IGF2BP2: variants seen among roughly 807,000 people sequenced by gnomAD.
The protein encoded by IGF2BP2 is insulin like growth factor 2 mRNA binding protein 2, also known as insulin-like growth factor 2 mRNA-binding protein 2.
In IGF2BP2, 17 loss-of-function variants were observed where a neutral mutation model predicts 75.8. The observed-to-expected ratio is 0.22, with a 90% CI of 0.15 to 0.34. The LOEUF (loss-of-function observed/expected upper bound fraction) is 0.34. IGF2BP2 is among the 10% of genes least tolerant of loss of function. IGF2BP2 has a pLI of 1.00. For missense variants in IGF2BP2, 516 were observed against 772.4 expected, an observed-to-expected ratio of 0.67 and a Z score of 3.93; for synonymous variants, 288 against 295.6, an observed-to-expected ratio of 0.97 and a Z score of 0.26.
At chr3:185,688,995 C>T in intron 6 of IGF2BP2, 1 of 189,124 alleles carries the variant, frequency 5.3e-6, no homozygotes, top group East Asian at 1.5e-4. Flanking sequence ...ACCCCCAGGG[C>T]TCTGACTCAG....
intron 2 of IGF2BP2, among the ~76,000 whole-genome samples, chr3:185,715,793 G>A (rs183353363): frequency 1.6e-3 from 239 of 152,086 alleles, no homozygotes; most frequent in African/African-American, 5.5e-3. Flanking sequence ...ACCAGCACCC[G>A]TCACCACACC....
chr3:185,746,003 G>A (rs752261072), intron 2 of IGF2BP2, among the ~76,000 whole-genome samples: 1 of 152,080 alleles, frequency 6.6e-6, no homozygotes, highest in Non-Finnish European at 1.5e-5. Flanking sequence ...CCTAGGTTTG[G>A]GAAGACAACC....
At chr3:185,722,458 G>A in intron 2 of IGF2BP2, 1 of 334,190 alleles carries the variant, frequency 3.0e-6, no homozygotes, top group Non-Finnish European at 5.8e-6. Flanking sequence ...CTTTTATGAG[G>A]AGCAGTATTG....
intron 2 of IGF2BP2, among the ~76,000 whole-genome samples, chr3:185,812,494 T>C (rs939643855): frequency 1.1e-4 from 16 of 152,098 alleles, no homozygotes; most frequent in African/African-American, 3.6e-4. Flanking sequence ...TGACAGGAAA[T>C]AGAGGGCTAT....
intron 2 of IGF2BP2, among the ~76,000 whole-genome samples, chr3:185,743,044 A>G (rs747495784): frequency 6.6e-6 from 1 of 151,942 alleles, no homozygotes; most frequent in Non-Finnish European, 1.5e-5. Flanking sequence ...GGTTGCAGTG[A>G]GCCAAGATCG....
At chr3:185,674,384 T>A (rs1718982141) in intron 9 of IGF2BP2, among the ~76,000 whole-genome samples, 1 of 152,150 alleles carries the variant, frequency 6.6e-6, no homozygotes, top group South Asian at 2.1e-4. Flanking sequence ...AATTAAAAAG[T>A]GAAAAAAATT....
At chr3:185,791,296 C>T (rs1362684634) in intron 2 of IGF2BP2, among the ~76,000 whole-genome samples, 1 of 152,154 alleles carries the variant, frequency 6.6e-6, no homozygotes, top group Non-Finnish European at 1.5e-5. Context: ...ACGAAGAGTT[C>T]GACATAAATT....
chr3:185,780,356 T>C (rs112442551), intron 2 of IGF2BP2, among the ~76,000 whole-genome samples: 2 of 152,218 alleles, frequency 1.3e-5, no homozygotes, highest in Non-Finnish European at 2.9e-5. Context: ...ACTTATCACC[T>C]GTGGGACAAA....
chr3:185,727,753 T>C (rs1727563533), intron 2 of IGF2BP2, among the ~76,000 whole-genome samples: 1 of 152,166 alleles, frequency 6.6e-6, no homozygotes, highest in South Asian at 2.1e-4. Flanking sequence ...CAAGAGGCAT[T>C]TACTGAATGT....
chr3:185,713,492 AG>A, intron 2 of IGF2BP2: 2 of 519,946 alleles, frequency 3.8e-6, no homozygotes, highest in Non-Finnish European at 7.7e-6. Flanking sequence ...GTAACAGGTA[AG>A]TAAGATAGAC....
intron 2 of IGF2BP2, among the ~76,000 whole-genome samples, chr3:185,721,612 T>C (rs1409837673): frequency 6.6e-6 from 1 of 152,164 alleles, no homozygotes; most frequent in Non-Finnish European, 1.5e-5. Context: ...GGAAATCAAG[T>C]CTTTGTCTAA....
At chr3:185,665,614 G>C (rs1445942408) in intron 10 of IGF2BP2, among the ~76,000 whole-genome samples, 1 of 151,308 alleles carries the variant, frequency 6.6e-6, no homozygotes, top group African/African-American at 2.4e-5. Context: ...GAAGAAGGAG[G>C]AGGAGGAGGA....
chr3:185,689,584 A>T lies in IGF2BP2; in HGVS notation c.448T>A (p.Phe150Ile). The T allele has an allele frequency of 6.2e-7, 1 of 1,614,174 alleles. No homozygotes were observed. Among genetic ancestry groups the T allele is most frequent in the South Asian group, 1.1e-5 (1 of 91,086 alleles). ...TCATCCGGGATGTAGGAAATCTTGA[A>T]GGAGTAGTTCTCAAACTGATGCCCG... ...LSGHQFENYS[F>I]KISYIPDEEV... The change falls in exon 6 of 16, where the codon TTC becomes ATC. Residue 150 changes from phenylalanine to isoleucine, a missense_variant. Around this residue, in one of 3 missense-constraint regions of IGF2BP2, gnomAD observed 312 missense variants for 474.5 expected, o/e 0.66. Coordinates refer to ENST00000382199, the MANE Select transcript of IGF2BP2 (RefSeq NM_006548.6).
chr3:185,727,309 C>T (rs1296816111), intron 2 of IGF2BP2, among the ~76,000 whole-genome samples: 3 of 152,092 alleles, frequency 2.0e-5, no homozygotes, highest in South Asian at 2.1e-4. Context: ...CAGAGCCCTC[C>T]GGAAGGTTAG....
At chr3:185,773,378 T>A (rs1024834246) in intron 2 of IGF2BP2, among the ~76,000 whole-genome samples, 1 of 152,202 alleles carries the variant, frequency 6.6e-6, no homozygotes, top group African/African-American at 2.4e-5. Context: ...CTTCAAATAA[T>A]TTAACAGGCG....
intron 10 of IGF2BP2, among the ~76,000 whole-genome samples, chr3:185,665,314 AAGG>A (rs1717201737): frequency 1.8e-5 from 1 of 54,540 alleles, no homozygotes; most frequent in African/African-American, 8.2e-5. Flanking sequence ...GAAGGAGCAG[AAGG>A]AGAAGGAGGA....
chr3:185,716,390 G>A (rs1367833966), intron 2 of IGF2BP2: 1 of 470,130 alleles, frequency 2.1e-6, no homozygotes, highest in Non-Finnish European at 4.2e-6. Flanking sequence ...TATGCTCTGT[G>A]TTAAAACAGA....
At chr3:185,710,668 G>A (rs1724674261) in intron 2 of IGF2BP2, among the ~76,000 whole-genome samples, 1 of 152,064 alleles carries the variant, frequency 6.6e-6, no homozygotes, top group Admixed American at 6.6e-5. Flanking sequence ...AGGAGGCAGA[G>A]GTTGCAGTGA....
chr3:185,658,281 G>T, intron 11 of IGF2BP2, 60 bp downstream of exon 11: 1 of 1,489,004 alleles, frequency 6.7e-7, no homozygotes, highest in Non-Finnish European at 9.4e-7. Context: ...GCCACCAAGG[G>T]CCAAGTGGGC....
Sources: gnomAD v4.1 joint callset for allele counts (sites outside exome capture counted in the v4.1 genomes callset) on GRCh38, gnomAD v4.1.1 for gene constraint, gnomAD v4.1.1 regional missense constraint, MANE v1.5 for transcripts, NCBI Gene and HGNC (gene_info 2026-07-23, HGNC 2026-07-21) for gene names.